The following CHRM3 variants were observed in gnomAD, a reference collection of about 807,000 sequenced individuals.
CHRM3 encodes the protein muscarinic acetylcholine receptor M3.
Under a neutral mutation model 41.8 loss-of-function variants are expected in CHRM3, and 11 were observed. That is an observed-to-expected ratio of 0.26 (90% confidence interval 0.17 to 0.44). CHRM3 has a LOEUF of 0.44. Ranked by LOEUF, CHRM3 falls within the 20% of genes least tolerant of loss-of-function variation. CHRM3 has a pLI of 1.00. For missense variants in CHRM3, 571 were observed against 745.4 expected, an observed-to-expected ratio of 0.77 and a Z score of 2.72; for synonymous variants, 297 against 301.4, an observed-to-expected ratio of 0.99 and a Z score of 0.15.
intron 5 of CHRM3, among the ~76,000 whole-genome samples, chr1:239,768,667 A>G (rs1667415666): frequency 6.6e-6 from 1 of 152,070 alleles, no homozygotes; most frequent in Admixed American, 6.6e-5. Context: ...GCTCATGGAG[A>G]GATGTAGAGG....
intron 3 of CHRM3, among the ~76,000 whole-genome samples, chr1:239,624,887 G>A (rs1572988507): frequency 2.9e-5 from 1 of 34,632 alleles, no homozygotes; most frequent in East Asian, 8.6e-4. Context: ...GTACCATGCT[G>A]TTTTGGTTAC....
chr1:239,670,617 T>C (rs1257451126), intron 4 of CHRM3, among the ~76,000 whole-genome samples: 2 of 152,210 alleles, frequency 1.3e-5, no homozygotes, highest in African/African-American at 4.8e-5. Flanking sequence ...TTCAAGAGCC[T>C]CCCAGATTCA....
In CHRM3 at chr1:239,908,008, G is replaced by C. The variant is rs777178131; in HGVS notation, c.557G>C (p.Gly186Ala). Residue 186 changes from glycine to alanine, a missense_variant, in exon 7 of 7, where the codon GGT (glycine) becomes GCT (alanine). Gly to Ala is a moderately conservative substitution (Grantham distance 60). This residue lies in a region of CHRM3 where 153 missense variants were observed against 296.3 expected (regional missense o/e 0.52). Transcript: ENST00000676153. This position sits in a 1 kb window ranked among gnomAD's most constrained non-coding sequence, Gnocchi z 7.2. Reference protein sequence around the residue: ...YRAKRTTKRAGVMIGLAWVIS... With the variant: ...YRAKRTTKRAAVMIGLAWVIS... ...GCCAAACGAACAACAAAGAGAGCCG[G>C]TGTGATGATCGGTCTGGCTTGGGTC... is the stretch of plus-strand genomic sequence containing the variant. 5 of 1,614,056 alleles carry C rather than the reference G, an allele frequency of 3.1e-6. No individual in the cohort carries two copies. Among genetic ancestry groups the C allele is most frequent in the Admixed American group, 1.7e-5 (1 of 59,998 alleles).
intron 6 of CHRM3, among the ~76,000 whole-genome samples, chr1:239,877,076 A>G (rs1377126716): frequency 6.6e-6 from 1 of 152,158 alleles, no homozygotes; most frequent in Non-Finnish European, 1.5e-5. Context: ...AAAATGCCCC[A>G]TCTCTCTCTT....
At chr1:239,610,897 CA>C (rs1438494715) in intron 3 of CHRM3, among the ~76,000 whole-genome samples, 1 of 152,018 alleles carries the variant, frequency 6.6e-6, no homozygotes, top group Non-Finnish European at 1.5e-5. Context: ...ACTAAAAATA[CA>C]AAAATGACCT....
At chr1:239,872,948 T>C (rs1324967984) in intron 6 of CHRM3, among the ~76,000 whole-genome samples, 1 of 151,932 alleles carries the variant, frequency 6.6e-6, no homozygotes, top group African/African-American at 2.4e-5. Context: ...ATTTTTTTTT[T>C]CTTCCTAAAT....
chr1:239,528,403 C>G (rs945835623), intron 2 of CHRM3, among the ~76,000 whole-genome samples: 4 of 152,186 alleles, frequency 2.6e-5, no homozygotes, highest in African/African-American at 9.7e-5. Flanking sequence ...GCACTGGCCC[C>G]TTGGCTGACC....
intron 3 of CHRM3, among the ~76,000 whole-genome samples, chr1:239,578,873 C>T (rs1442604219): frequency 1.3e-5 from 2 of 152,144 alleles, no homozygotes; most frequent in African/African-American, 4.8e-5. Context: ...AGCCCAGCAC[C>T]TATTGCTGGA....
In CHRM3 at chr1:239,828,486, C is replaced by T. The variant is rs533237346; in HGVS notation, c.-20+1108C>T. Reference sequence around the variant, plus strand: ...AAAGGGTAGAGCATGAATAAGATGGCTTCTATAGCGTATTCAGGGAAGGAC... The same window carrying T: ...AAAGGGTAGAGCATGAATAAGATGGTTTCTATAGCGTATTCAGGGAAGGAC... On this transcript the variant is annotated intron_variant, in intron 6 of 6. Coordinates refer to ENST00000676153, the MANE Select transcript of CHRM3 (RefSeq NM_001375978.1). Among the ~76,000 whole-genome samples the T allele has an allele frequency of 8.6e-5, 13 of 152,024 alleles. No homozygotes were observed. The South Asian group carries it at 1.5e-3, about 17-fold the overall frequency.
chr1:239,895,151 G>C (rs529433287), intron 6 of CHRM3, among the ~76,000 whole-genome samples: 1 of 152,348 alleles, frequency 6.6e-6, no homozygotes, highest in African/African-American at 2.4e-5. Context: ...CTCTGCAGCA[G>C]TAGAGGTTGA....
intron 2 of CHRM3, among the ~76,000 whole-genome samples, chr1:239,519,391 C>T (rs916069419): frequency 6.6e-6 from 1 of 152,122 alleles, no homozygotes; most frequent in African/African-American, 2.4e-5. Flanking sequence ...CCAAATATAG[C>T]CTCTTCTGTA....
intron 1 of CHRM3, among the ~76,000 whole-genome samples, chr1:239,406,486 A>T (rs1352886057): frequency 6.6e-6 from 1 of 152,216 alleles, no homozygotes; most frequent in Non-Finnish European, 1.5e-5. Context: ...CCAAAGTTAA[A>T]TCCAACAAGT....
At chr1:239,865,942 A>G (rs1257010564) in intron 6 of CHRM3, among the ~76,000 whole-genome samples, 1 of 152,164 alleles carries the variant, frequency 6.6e-6, no homozygotes, top group East Asian at 1.9e-4. Context: ...AGGCAGGGAA[A>G]GAGCACTTGC....
intron 5 of CHRM3, among the ~76,000 whole-genome samples, chr1:239,737,663 G>A (rs1401386082): frequency 6.6e-6 from 1 of 152,090 alleles, no homozygotes; most frequent in African/African-American, 2.4e-5. Context: ...TTGACCTAGG[G>A]TAGAGCAATG....
At chr1:239,771,087 C>CA (rs1344290628) in intron 5 of CHRM3, among the ~76,000 whole-genome samples, 5,903 of 133,508 alleles carry the variant, frequency 0.044, 375 homozygotes, top group African/African-American at 0.14. Flanking sequence ...GACTCCATCT[C>CA]AAAAAAAAAA....
At chr1:239,477,006 G>A (rs1011267273) in intron 1 of CHRM3, among the ~76,000 whole-genome samples, 7 of 152,194 alleles carry the variant, frequency 4.6e-5, no homozygotes, top group Non-Finnish European at 8.8e-5. Flanking sequence ...CCCACAAAAT[G>A]TCCAGGGAAG....
chr1:239,639,123 A>G (rs139538030), intron 4 of CHRM3, among the ~76,000 whole-genome samples: 96,550 of 150,516 alleles, frequency 0.64, 31,221 homozygotes, highest in East Asian at 0.84. Flanking sequence ...ATTGATCTAT[A>G]TCTCTGTTTT....
At chr1:239,852,408 G>A (rs566477512) in intron 6 of CHRM3, among the ~76,000 whole-genome samples, 1 of 152,098 alleles carries the variant, frequency 6.6e-6, no homozygotes, top group Non-Finnish European at 1.5e-5. Flanking sequence ...TGATGACGAT[G>A]ACATGCTTGT....
chr1:239,860,876 C>T (rs1412922930), intron 6 of CHRM3, among the ~76,000 whole-genome samples: 1 of 152,146 alleles, frequency 6.6e-6, no homozygotes, highest in Non-Finnish European at 1.5e-5. Flanking sequence ...AAATCTGAAG[C>T]ATTTTAAATA....
Sources: allele counts gnomAD v4.1 joint callset (sites outside exome capture counted in the v4.1 genomes callset), GRCh38; gene constraint gnomAD v4.1.1; regional missense constraint gnomAD v4.1.1; non-coding constraint Gnocchi (gnomAD v3.1); transcripts MANE v1.5; gene names NCBI Gene and HGNC (gene_info 2026-07-23, HGNC 2026-07-21).